Variants in P2RY8 observed in about 807,000 individuals in gnomAD.
The protein encoded by P2RY8 is P2Y receptor family member 8, also known as S-geranylgeranyl-glutathione receptor P2RY8.
In P2RY8, 6 loss-of-function variants were observed where a neutral mutation model predicts 10.0. The ratio of observed to expected loss-of-function variants is 0.60; its 90% CI spans 0.33 to 1.19. P2RY8 has a LOEUF of 1.19. Ranked by LOEUF, P2RY8 falls within the 50% of genes most tolerant of loss-of-function variation. P2RY8 has a pLI of 0.04. For synonymous variants in P2RY8, 276 were observed against 252.5 expected, an observed-to-expected ratio of 1.09 and a Z score of -0.88; for missense variants, 456 against 542.0, an observed-to-expected ratio of 0.84 and a Z score of 1.58.
chrX:1,531,577 G>GCCTGGCA (rs2092475946), intron 1 of P2RY8, among the ~76,000 whole-genome samples: 1 of 151,986 alleles, frequency 6.6e-6, no homozygotes, highest in Non-Finnish European at 1.5e-5. Context: ...AACCAACACA[G>GCCTGGCA]CCTGGCACCT....
intron 1 of P2RY8, among the ~76,000 whole-genome samples, chrX:1,509,795 TCC>T (rs2092283208): frequency 5.7e-5 from 4 of 70,614 alleles, no homozygotes; most frequent in African/African-American, 2.3e-4. Flanking sequence ...TATGTATCCA[TCC>T]TATCTATCTA....
intron 1 of P2RY8, among the ~76,000 whole-genome samples, chrX:1,510,910 G>A (rs1404675389): frequency 2.7e-5 from 4 of 149,996 alleles, no homozygotes; most frequent in Non-Finnish European, 5.9e-5. Context: ...CAGGCACAGT[G>A]GCTCCCGCCT....
intron 1 of P2RY8, among the ~76,000 whole-genome samples, chrX:1,512,427 A>C (rs2092305150): frequency 1.3e-5 from 2 of 151,584 alleles, no homozygotes; most frequent in South Asian, 4.2e-4. Context: ...GGTACCTGTC[A>C]TCCCAGCTAC....
At chrX:1,512,273 G>A (rs1177609730) in intron 1 of P2RY8, among the ~76,000 whole-genome samples, 4 of 152,102 alleles carry the variant, frequency 2.6e-5, no homozygotes, top group African/African-American at 4.8e-5. Flanking sequence ...CTGGCTGGGC[G>A]CAGTGGCTCA....
intron 1 of P2RY8, among the ~76,000 whole-genome samples, chrX:1,469,553 G>T (rs1480300292): frequency 3.9e-5 from 6 of 151,954 alleles, no homozygotes; most frequent in Non-Finnish European, 1.5e-5. Context: ...TCCTCTTGAG[G>T]GTCTGTGTGT....
rs60116199 is a variant in P2RY8 at position 1,462,977 on chromosome X, C to CAA, written c.*2500_*2501dup. Reference sequence around the variant, plus strand: ...GTGGCTGCAAAAATCATCATACTGACAAAAAAAAAAAATCGACGCATTTTG... The same window carrying CAA: ...GTGGCTGCAAAAATCATCATACTGACAAAAAAAAAAAAAATCGACGCATTTTG... On this transcript the variant is annotated 3_prime_UTR_variant, in exon 2 of 2. Coordinates refer to ENST00000381297, the MANE Select transcript of P2RY8 (RefSeq NM_178129.5). The CAA allele has an allele frequency of 0.035, 7,435 of 214,184 alleles. 98 individuals are homozygous for CAA. The highest frequency in any genetic ancestry group is 0.044 in the Non-Finnish European group (4,718 of 107,712). The allele number at this position is 214,184 out of a possible 1,614,324, so 13.3% of individuals were successfully genotyped here.
intron 1 of P2RY8, among the ~76,000 whole-genome samples, chrX:1,484,545 CAA>C (rs2091968690): frequency 1.3e-5 from 2 of 151,354 alleles, no homozygotes; most frequent in Admixed American, 6.6e-5. Context: ...GTCAACAAGG[CAA>C]AGCCTCGTCT....
rs780048118 is a variant in P2RY8 at position 1,466,075 on chromosome X, C to A, written c.484G>T (p.Asp162Tyr). The change falls in exon 2 of 2, where the codon GAT becomes TAT. Residue 162 changes from aspartate to tyrosine, a missense_variant. Transcript: ENST00000381297. ...AGGGCGTGCACCGGGTAGGTGAGAT[C>A]GGTGCGCGCCAGCGGGGACAGGGCG... is the stretch of plus-strand genomic sequence containing the variant. ...LTALSPLART[D>Y]LTYPVHALGI... 1 of 1,611,608 alleles carries A rather than the reference C, an allele frequency of 6.2e-7. No individual in the cohort carries two copies. Among genetic ancestry groups the A allele is most frequent in the Non-Finnish European group, 8.5e-7 (1 of 1,179,690 alleles).
chrX:1,530,537 T>C (rs2092467124), intron 1 of P2RY8, among the ~76,000 whole-genome samples: 1 of 150,434 alleles, frequency 6.6e-6, no homozygotes, highest in Non-Finnish European at 1.5e-5. Flanking sequence ...TACATATGTA[T>C]GTATCTATTC....
chrX:1,509,941 T>C (rs2092286449), intron 1 of P2RY8, among the ~76,000 whole-genome samples: 2 of 148,918 alleles, frequency 1.3e-5, no homozygotes, highest in South Asian at 4.3e-4. Flanking sequence ...TATGTATCCA[T>C]CCATCTATGT....
chrX:1,467,577 G>C (rs2091706129), intron 1 of P2RY8, among the ~76,000 whole-genome samples: 1 of 152,214 alleles, frequency 6.6e-6, no homozygotes, highest in Admixed American at 6.5e-5. Context: ...CTTTATCCAT[G>C]AGCTGGTGAT....
At chrX:1,490,612 G>A (rs1488112867) in intron 1 of P2RY8, among the ~76,000 whole-genome samples, 10 of 146,322 alleles carry the variant, frequency 6.8e-5, no homozygotes, top group Non-Finnish European at 9.0e-5. Context: ...AATGTGGGGG[G>A]AATGAATGAA....
intron 1 of P2RY8, among the ~76,000 whole-genome samples, chrX:1,486,105 C>A (rs1196968961): frequency 1.3e-5 from 2 of 152,102 alleles, no homozygotes; most frequent in African/African-American, 4.8e-5. Flanking sequence ...GTCATCCCAG[C>A]CACTTGGGAG....
At chrX:1,504,999 G>A (rs1238536271) in intron 1 of P2RY8, among the ~76,000 whole-genome samples, 2 of 151,860 alleles carry the variant, frequency 1.3e-5, no homozygotes, top group South Asian at 2.1e-4. Context: ...TTAGCCGGGC[G>A]TGGTGGCAGG....
In P2RY8 at chrX:1,536,407, G is replaced by A. The variant is rs774227427; in HGVS notation, c.-25+514C>T. Among the ~76,000 whole-genome samples, 296 of 152,048 alleles carry A rather than the reference G, an allele frequency of 1.9e-3. 1 individual carries two copies. Among genetic ancestry groups the A allele is most frequent in the African/African-American group, 6.6e-3 (274 of 41,480 alleles). On this transcript the variant is annotated intron_variant, in intron 1 of 1. Transcript: ENST00000381297. The stretch of plus-strand genomic sequence containing the variant: ...CTCCCGAGTAGCTGGGACCGCAGGC[G>A]CCCACCACCAAGCCCAGCTAATTTT...
In P2RY8 at chrX:1,464,647, G is replaced by C. The variant is rs4548373; in HGVS notation, c.*832C>G. 0.81 allele frequency: 188,354 copies of C among 233,132 alleles called. 78,026 individuals carry two copies. The highest frequency in any genetic ancestry group is 1 in the East Asian group (16,530 of 16,592). The allele number at this position is 233,132 out of a possible 1,614,324, so 14.4% of individuals were successfully genotyped here. A position where few individuals can be genotyped will look rare whatever the true frequency, so the allele number is the denominator to read the frequency against. ...CTCCCGTGGTCCTTGTCCTGAGTCA[G>C]GGAAGCCTGAGTGTGTTCCAGGGGC... On this transcript the variant is annotated 3_prime_UTR_variant, in exon 2 of 2. Transcript: ENST00000381297.
At chrX:1,487,197 C>A (rs186453291) in intron 1 of P2RY8, among the ~76,000 whole-genome samples, 8 of 152,282 alleles carry the variant, frequency 5.3e-5, no homozygotes, top group Non-Finnish European at 1.2e-4. Context: ...CAGTGAAAGG[C>A]GTCCAAGTTC....
At chrX:1,467,925 T>G (rs1238288715) in intron 1 of P2RY8, among the ~76,000 whole-genome samples, 2 of 152,130 alleles carry the variant, frequency 1.3e-5, no homozygotes, top group Non-Finnish European at 2.9e-5. Flanking sequence ...GCAATCCTCC[T>G]GCCTCAGCCT....
chrX:1,501,265 C>A (rs1427135713), intron 1 of P2RY8, among the ~76,000 whole-genome samples: 4 of 152,168 alleles, frequency 2.6e-5, no homozygotes, highest in Non-Finnish European at 2.9e-5. Context: ...ATATCAGACC[C>A]CTGGAAGCAC....
Sources: allele counts gnomAD v4.1 joint callset (sites outside exome capture counted in the v4.1 genomes callset), GRCh38; gene constraint gnomAD v4.1.1; transcripts MANE v1.5; gene names NCBI Gene and HGNC (gene_info 2026-07-23, HGNC 2026-07-21).